Variants in DCC observed in about 807,000 individuals in gnomAD.
DCC encodes the protein netrin receptor DCC.
DCC carries 58 observed loss-of-function variants against 172.5 expected under a neutral mutation model. That is an observed-to-expected ratio of 0.34 (90% confidence interval 0.27 to 0.42). DCC has a LOEUF of 0.42. Among genes scored for constraint, DCC ranks in the 10% least tolerant of loss-of-function variants. The probability of loss-of-function intolerance (pLI) is 1.00; values close to 1 mark genes in which losing one functional copy is unlikely to be tolerated. For synonymous variants in DCC, 709 were observed against 644.5 expected (o/e 1.10, Z -1.52); for missense variants, 1,740 against 1,791.0 (o/e 0.97, Z 0.51).
intron 11 of DCC, among the ~76,000 whole-genome samples, chr18:53,209,732 A>C (rs1424312780): frequency 2.0e-5 from 3 of 152,234 alleles, no homozygotes; most frequent in Non-Finnish European, 4.4e-5. Context: ...TATTGGTAGA[A>C]TAAATTACTT....
At chr18:52,950,913 G>T (rs2145547115) in intron 5 of DCC, among the ~76,000 whole-genome samples, 1 of 113,582 alleles carries the variant, frequency 8.8e-6, no homozygotes, top group South Asian at 3.3e-4. Context: ...CTGGGCGACA[G>T]AGTGAGACTC....
chr18:52,869,345 C>T (rs1332779208), intron 2 of DCC, among the ~76,000 whole-genome samples: 1 of 152,206 alleles, frequency 6.6e-6, no homozygotes, highest in Non-Finnish European at 1.5e-5. Flanking sequence ...AGGGTAGCTC[C>T]TGTCTATAGC....
intron 27 of DCC, among the ~76,000 whole-genome samples, chr18:53,525,082 G>A (rs1228479830): frequency 6.6e-6 from 1 of 151,984 alleles, no homozygotes; most frequent in African/African-American, 2.4e-5. Flanking sequence ...AAGTTACTAA[G>A]TACCAGCCAC....
intron 5 of DCC, among the ~76,000 whole-genome samples, chr18:53,013,607 T>C (rs1030910319): frequency 6.6e-5 from 10 of 151,632 alleles, no homozygotes; most frequent in African/African-American, 2.2e-4. Flanking sequence ...GCTTAAATCC[T>C]AGATGATGGG....
At chr18:53,359,557 C>T (rs918856729) in intron 15 of DCC, among the ~76,000 whole-genome samples, 2 of 152,074 alleles carry the variant, frequency 1.3e-5, no homozygotes, top group African/African-American at 4.8e-5. Flanking sequence ...TTCTAAGATG[C>T]AGTTTATTAA....
intron 2 of DCC, among the ~76,000 whole-genome samples, chr18:52,774,922 A>C (rs554056806): frequency 1.1e-4 from 16 of 152,304 alleles, no homozygotes; most frequent in Admixed American, 9.2e-4. Context: ...AACTCTTTAC[A>C]TTGTAAAGAA....
At chr18:52,799,942 C>T (rs542201053) in intron 2 of DCC, among the ~76,000 whole-genome samples, 27 of 152,172 alleles carry the variant, frequency 1.8e-4, no homozygotes, top group African/African-American at 2.6e-4. Context: ...TTCCACTTGA[C>T]GGGGAACTCT....
chr18:53,032,542 G>A (rs2042040267), intron 5 of DCC, among the ~76,000 whole-genome samples: 1 of 152,110 alleles, frequency 6.6e-6, no homozygotes, highest in East Asian at 1.9e-4. Flanking sequence ...TTAGGATTTA[G>A]GCATCTTTGG....
At chr18:52,365,441 T>A (rs1216330260) in intron 1 of DCC, among the ~76,000 whole-genome samples, 1 of 152,220 alleles carries the variant, frequency 6.6e-6, no homozygotes, top group African/African-American at 2.4e-5. Context: ...TGTGTTAATA[T>A]CTCTGGAAAA....
chr18:53,254,913 A>G (rs1354208461), intron 12 of DCC, among the ~76,000 whole-genome samples: 2 of 152,054 alleles, frequency 1.3e-5, no homozygotes, highest in East Asian at 3.9e-4. Context: ...AATTTAACAC[A>G]CCTTAGGGAC....
chr18:52,421,971 A>G (rs760422189), intron 1 of DCC, among the ~76,000 whole-genome samples: 6 of 152,308 alleles, frequency 3.9e-5, no homozygotes, highest in Non-Finnish European at 7.4e-5. Flanking sequence ...CATGCGTTTC[A>G]GACCTTTCTG....
chr18:53,200,885 G>A (rs576716221), intron 9 of DCC, among the ~76,000 whole-genome samples: 86 of 152,110 alleles, frequency 5.7e-4, no homozygotes, highest in Non-Finnish European at 1.0e-3. Context: ...TTCATTTGCA[G>A]CTTCTCTTCC....
chr18:52,505,175 A>T (rs973161731), intron 1 of DCC, among the ~76,000 whole-genome samples: 3 of 151,706 alleles, frequency 2.0e-5, no homozygotes, highest in Non-Finnish European at 4.4e-5. Context: ...ATCAGCAAAC[A>T]GTTGGTTTCT....
At chr18:52,876,164 C>G (rs1208677196) in intron 2 of DCC, among the ~76,000 whole-genome samples, 2 of 152,106 alleles carry the variant, frequency 1.3e-5, no homozygotes, top group South Asian at 2.1e-4. Context: ...TAGAGGGCAA[C>G]TAAATCAATC....
At chr18:53,511,644 T>C (rs976055255) in intron 27 of DCC, among the ~76,000 whole-genome samples, 1 of 152,176 alleles carries the variant, frequency 6.6e-6, no homozygotes, top group African/African-American at 2.4e-5. Context: ...ATTGCGTCAC[T>C]TGGGAAGCGC....
chr18:53,259,719 G>A (rs1442918385), intron 12 of DCC, among the ~76,000 whole-genome samples: 2 of 152,080 alleles, frequency 1.3e-5, no homozygotes, highest in African/African-American at 4.8e-5. Context: ...GAGTATCTTT[G>A]TGGTGTTCTC....
intron 27 of DCC, among the ~76,000 whole-genome samples, chr18:53,503,169 A>ATATTATGCAGTAAT (rs1306691532): frequency 6.6e-6 from 1 of 152,166 alleles, no homozygotes; most frequent in African/African-American, 2.4e-5. Flanking sequence ...AGGGCAAAAC[A>ATATTATGCAGTAAT]TATTATGCAG....
chr18:52,770,993 C>T (rs760616787), intron 2 of DCC, among the ~76,000 whole-genome samples: 56 of 152,334 alleles, frequency 3.7e-4, no homozygotes, highest in Non-Finnish European at 7.5e-4. Flanking sequence ...CTCTCCTTCC[C>T]ACTGGGCCTC....
At chr18:53,099,965 G>C (rs1262305316) in intron 7 of DCC, among the ~76,000 whole-genome samples, 1 of 23,368 alleles carries the variant, frequency 4.3e-5, no homozygotes, top group Non-Finnish European at 9.2e-5. Context: ...TTTTTTGTTT[G>C]AGACAGAGTC....
Sources: gnomAD v4.1 joint callset for allele counts (sites outside exome capture counted in the v4.1 genomes callset) on GRCh38, gnomAD v4.1.1 for gene constraint, MANE v1.5 for transcripts, NCBI Gene and HGNC (gene_info 2026-07-23, HGNC 2026-07-21) for gene names.